The following FAM13C variants were observed in gnomAD, a reference collection of about 807,000 sequenced individuals.
FAM13C encodes protein FAM13C.
In FAM13C, 37 loss-of-function variants were observed where a neutral mutation model predicts 73.2. The ratio of observed to expected loss-of-function variants is 0.51; its 90% CI spans 0.39 to 0.67. FAM13C has a LOEUF of 0.67. FAM13C is among the 30% of genes least tolerant of loss of function. FAM13C has a pLI of 0.00. For synonymous variants in FAM13C, 246 were observed against 260.9 expected (o/e 0.94, Z 0.55); for missense variants, 589 against 715.6 (o/e 0.82, Z 2.02).
chr10:59,351,323 C>A (rs753106747), intron 3 of FAM13C, among the ~76,000 whole-genome samples: 79 of 80,018 alleles, frequency 9.9e-4, no homozygotes, highest in Admixed American at 1.6e-3. Context: ...CAGAGTGAGA[C>A]CCTGTCTCAA....
chr10:59,257,904 G>A (rs1205187129), intron 10 of FAM13C, among the ~76,000 whole-genome samples: 2 of 152,088 alleles, frequency 1.3e-5, no homozygotes, highest in African/African-American at 2.4e-5. Flanking sequence ...CTAATATGCA[G>A]AATGAGGATC....
intron 9 of FAM13C, among the ~76,000 whole-genome samples, chr10:59,263,437 T>A (rs971515218): frequency 3.3e-5 from 5 of 152,216 alleles, no homozygotes; most frequent in African/African-American, 9.6e-5. Flanking sequence ...TGAATTAGTA[T>A]TCCCTTCCAG....
rs766916247 is a variant in FAM13C at position 59,302,857 on chromosome 10, G to T, written c.451C>A (p.Gln151Lys). 5 of 1,613,706 alleles carry T rather than the reference G, an allele frequency of 3.1e-6. No individual in the cohort carries two copies. The highest frequency in any genetic ancestry group is 4.2e-6 in the Non-Finnish European group (5 of 1,179,844). The part of the protein sequence containing the change: ...ETVRLQPRID[Q>K]RTAISPKDAF... ...TCCTTTGGCGAAATGGCAGTCCTCT[G>T]GTCTATTCTATAAAATACAAAGAAA... Residue 151 changes from glutamine to lysine, a missense_variant, in exon 5 of 14, where the codon CAG (glutamine) becomes AAG (lysine). Transcript: ENST00000618804.
Position 59,269,883 on chromosome 10 carries a change from A to G in FAM13C, c.803+16T>C, listed in dbSNP as rs1223745517. 1 of 1,612,814 alleles carries G rather than the reference A, an allele frequency of 6.2e-7. No homozygotes were observed. The highest frequency in any genetic ancestry group is 1.7e-5 in the Admixed American group (1 of 59,982). ...AACTGTATGAAATGAAGACAATAAC[A>G]AAACAGTTTTCTCACATCATAAACT... On this transcript the variant is annotated intron_variant, in intron 7 of 13. Transcript: ENST00000618804.
At chr10:59,346,247 C>T (rs981191830) in intron 3 of FAM13C, among the ~76,000 whole-genome samples, 16 of 152,188 alleles carry the variant, frequency 1.1e-4, no homozygotes, top group Admixed American at 3.9e-4. Context: ...TATTTTAATT[C>T]AGAGTGTAAT....
rs1443275941 is a variant in FAM13C at position 59,251,625 on chromosome 10, C to T, written c.1584G>A (p.Leu528=). The T allele has an allele frequency of 1.1e-5, 18 of 1,613,520 alleles. No individual in the cohort carries two copies. Among genetic ancestry groups the T allele is most frequent in the Non-Finnish European group, 1.4e-5 (17 of 1,179,750 alleles). Residue 528 remains leucine (L), a synonymous_variant, in exon 13 of 14, where the codon CTG becomes CTA. Coordinates refer to ENST00000618804, the MANE Select transcript of FAM13C (RefSeq NM_198215.4). ...LRETRADKKR[L]RKALREFEEQ... is the part of the protein sequence containing the mutation. Reference sequence around the variant, plus strand: ...CTTCAAATTCTCTTAAGGCTTTCCGCAGTCTCTTCTTGTCAGCCCTAGTTT... The same window carrying T: ...CTTCAAATTCTCTTAAGGCTTTCCGTAGTCTCTTCTTGTCAGCCCTAGTTT...
chr10:59,333,131 A>G (rs543275770), intron 3 of FAM13C, among the ~76,000 whole-genome samples: 1 of 152,112 alleles, frequency 6.6e-6, no homozygotes, highest in South Asian at 2.1e-4. Flanking sequence ...ATACGTTACC[A>G]TGCCAGGCTT....
intron 3 of FAM13C, among the ~76,000 whole-genome samples, chr10:59,332,157 A>G (rs996292150): frequency 2.6e-5 from 4 of 152,288 alleles, no homozygotes; most frequent in African/African-American, 9.6e-5. Flanking sequence ...TTGTTAAATC[A>G]AAACTCAAGC....
intron 4 of FAM13C, among the ~76,000 whole-genome samples, chr10:59,307,123 A>C (rs1848344965): frequency 6.6e-6 from 1 of 152,070 alleles, no homozygotes; most frequent in African/African-American, 2.4e-5. Context: ...GCAATTCATG[A>C]GTTCAGATTT....
At chr10:59,262,723 T>C in intron 9 of FAM13C, 78 bp from the exon 10 acceptor site, 1 of 1,184,340 alleles carries the variant, frequency 8.4e-7, no homozygotes, top group East Asian at 2.4e-5. Flanking sequence ...CAGGAATTCC[T>C]TCCCCTGATG....
chr10:59,307,413 C>T (rs184218410), intron 4 of FAM13C, among the ~76,000 whole-genome samples: 1 of 152,174 alleles, frequency 6.6e-6, no homozygotes, highest in Non-Finnish European at 1.5e-5. Flanking sequence ...CTTCAATTCA[C>T]CAGCCCTTAC....
At chr10:59,249,282 T>C (rs1481086011) in intron 13 of FAM13C, among the ~76,000 whole-genome samples, 3 of 146,594 alleles carry the variant, frequency 2.0e-5, no homozygotes, top group Admixed American at 7.1e-5. Context: ...CGTACGCCTG[T>C]AGTCCCAGCT....
intron 1 of FAM13C, among the ~76,000 whole-genome samples, chr10:59,357,150 T>C (rs1478732572): frequency 6.6e-6 from 1 of 152,212 alleles, no homozygotes; most frequent in African/African-American, 2.4e-5. Context: ...GGACTTCACC[T>C]TGTGATCATG....
At chr10:59,289,762 C>T (rs141405238) in intron 5 of FAM13C, among the ~76,000 whole-genome samples, 70 of 152,278 alleles carry the variant, frequency 4.6e-4, no homozygotes, top group African/African-American at 1.7e-3. Flanking sequence ...CAGGAACATG[C>T]TTTTCCCTCT....
intron 5 of FAM13C, among the ~76,000 whole-genome samples, chr10:59,302,255 T>C (rs570315440): frequency 5.9e-4 from 90 of 152,338 alleles, no homozygotes; most frequent in Non-Finnish European, 1.1e-3. Context: ...TTCAATTACA[T>C]ATTCCAAAGA....
chr10:59,298,986 G>A (rs1011143977), intron 5 of FAM13C, among the ~76,000 whole-genome samples: 17 of 152,100 alleles, frequency 1.1e-4, no homozygotes, highest in African/African-American at 3.9e-4. Context: ...CAGGGAAAGG[G>A]GAGACATTAG....
intron 3 of FAM13C, among the ~76,000 whole-genome samples, chr10:59,337,667 CTTTTTTTTTTTTTTT>C (rs3078327): frequency 9.9e-5 from 7 of 70,998 alleles, no homozygotes; most frequent in Admixed American, 6.2e-4. Context: ...TTTTCTTTTT[CTTTTTTTTTTTTTTT>C]TTTTTTTTTT....
At chr10:59,333,695 T>C (rs976029985) in intron 3 of FAM13C, among the ~76,000 whole-genome samples, 1 of 151,610 alleles carries the variant, frequency 6.6e-6, no homozygotes, top group Non-Finnish European at 1.5e-5. Flanking sequence ...CAGTGTTTCA[T>C]TTCTCAAGCT....
At position 59,362,535 on chromosome 10, in the gene FAM13C, GC is replaced by G. The variant is rs762085117; in HGVS notation, c.-76del. 2.5e-6 allele frequency: 4 copies of G among 1,580,598 alleles called. No individual in the cohort carries two copies. The highest frequency in any genetic ancestry group is 2.6e-6 in the Non-Finnish European group (3 of 1,162,324). ...AGAGCACATACACAAACATGGCATT[GC>G]AAGGCAAGTCTCCGGGCTCGCCCGG... is the stretch of plus-strand genomic sequence containing the variant. On this transcript the variant is annotated 5_prime_UTR_variant, in exon 1 of 14. Coordinates refer to ENST00000618804, the MANE Select transcript of FAM13C (RefSeq NM_198215.4).
Sources: allele counts gnomAD v4.1 joint callset (sites outside exome capture counted in the v4.1 genomes callset), GRCh38; gene constraint gnomAD v4.1.1; transcripts MANE v1.5; gene names NCBI Gene and HGNC (gene_info 2026-07-23, HGNC 2026-07-21).